Variants in ZNF275 observed in about 807,000 individuals in gnomAD.
ZNF275 encodes the protein zinc finger protein 275.
A neutral mutation model predicts 4.3 loss-of-function variants in ZNF275; 4 were observed. That is an observed-to-expected ratio of 0.93 (90% CI 0.46 to 2.13). ZNF275 has a LOEUF of 2.13. Among genes scored for constraint, ZNF275 ranks in the 30% most tolerant of loss-of-function variants. The pLI, the probability that ZNF275 is intolerant of heterozygous loss-of-function variation, is 0.02. For synonymous variants in ZNF275, 173 were observed against 166.9 expected (o/e 1.04, Z -0.28); for missense variants, 352 against 397.1 (o/e 0.89, Z 0.97).
rs2088537237 is a variant in ZNF275 at position 153,348,633 on chromosome X, C to T, written c.*658C>T. ...TGAGTCATCAGACAGTTTCAAGACA[C>T]ACCCAGTCACTTCCATCCGAGCTCT... On this transcript the variant is annotated 3_prime_UTR_variant, in exon 4 of 4. Coordinates refer to ENST00000650114, the MANE Select transcript of ZNF275 (RefSeq NM_001367757.1). The T allele has an allele frequency of 1.6e-5, 2 of 122,158 alleles. No individual in the cohort carries two copies. Among genetic ancestry groups the T allele is most frequent in the South Asian group, 7.8e-4 (2 of 2,571 alleles). 10.1% of individuals were successfully genotyped at this position (122,158 alleles called of 1,213,427 possible).
chrX:153,340,651 T>A (rs1215476422), intron 2 of ZNF275, among the ~76,000 whole-genome samples: 1 of 112,811 alleles, frequency 8.9e-6, no homozygotes, highest in Non-Finnish European at 1.9e-5. Flanking sequence ...AGCAGATCTT[T>A]CTAGACCTTG....
intron 3 of ZNF275, among the ~76,000 whole-genome samples, chrX:153,346,609 A>T (rs1556961587): frequency 8.9e-6 from 1 of 112,691 alleles, no homozygotes; most frequent in Admixed American, 9.3e-5. Flanking sequence ...TGGTCACAGA[A>T]GGGGTGACCT....
At chrX:153,339,854 T>C (rs1556960906) in intron 2 of ZNF275, among the ~76,000 whole-genome samples, 1 of 110,785 alleles carries the variant, frequency 9.0e-6, no homozygotes, top group East Asian at 2.8e-4. Context: ...GATAAGGAAT[T>C]GGGGGGCTGG....
chrX:153,337,259 T>C (rs12558151), intron 2 of ZNF275, among the ~76,000 whole-genome samples: 45,060 of 110,681 alleles, frequency 0.41, 7,334 homozygotes, highest in African/African-American at 0.61. Flanking sequence ...TTAGAGAATG[T>C]TGCTTGGCTA....
chrX:153,347,951 G>A lies in ZNF275; in HGVS notation c.1266G>A (p.Lys422=). The change falls in exon 4 of 4, where the codon AAG becomes AAA. Residue 422 remains lysine (K), a synonymous_variant. Transcript: ENST00000650114. ...RVFKRRSALQ[K]HQPTHHE is the part of the protein sequence containing the mutation. ...TCAAGAGGCGCTCGGCACTGCAGAA[G>A]CATCAGCCAACCCACCACGAGTAGA... 4 of 1,131,928 alleles carry A rather than the reference G, an allele frequency of 3.5e-6. No individual in the cohort carries two copies. In the South Asian group the frequency reaches 8.6e-5, roughly 24 times the overall value. The allele number at this position is 1,131,928 out of a possible 1,213,427, so 93.3% of individuals were successfully genotyped here.
intron 2 of ZNF275, among the ~76,000 whole-genome samples, chrX:153,342,025 TC>T (rs1275915089): frequency 1.8e-5 from 2 of 111,870 alleles, no homozygotes; most frequent in Admixed American, 9.5e-5. Flanking sequence ...TTTTCATCCC[TC>T]CCCCCACTTT....
Position 153,352,912 on chromosome X carries a change from A to T in ZNF275, c.*4937A>T, listed in dbSNP as rs1372663578. Reference sequence around the variant, plus strand: ...TTGCATCAAGTAGATTTCAATAAATATATGTTAAATGGCATTGGTCTTCCT... The same window carrying T: ...TTGCATCAAGTAGATTTCAATAAATTTATGTTAAATGGCATTGGTCTTCCT... On this transcript the variant is annotated 3_prime_UTR_variant, in exon 4 of 4. Coordinates refer to ENST00000650114, the MANE Select transcript of ZNF275 (RefSeq NM_001367757.1). 1 of 111,708 alleles carries T rather than the reference A, an allele frequency of 9.0e-6. No individual in the cohort carries two copies. The highest frequency in any genetic ancestry group is 2.8e-4 in the East Asian group (1 of 3,551). The allele number at this position is 111,708 out of a possible 1,213,427, so 9.2% of individuals were successfully genotyped here.
In ZNF275 at chrX:153,347,721, G is replaced by A; in HGVS notation, c.1036G>A (p.Glu346Lys). The A allele has an allele frequency of 1.7e-6, 2 of 1,209,437 alleles. No homozygotes were observed. Among genetic ancestry groups the A allele is most frequent in the Non-Finnish European group, 2.2e-6 (2 of 894,288 alleles). ...GGAGCACGCACGCATCCACAGTGGC[G>A]AGCGGCCCTACGCATGCGGCGAGTG... ...LLEHARIHSGERPYACGECGK... is the reference protein window; with the variant it reads ...LLEHARIHSGKRPYACGECGK... Residue 346 changes from glutamate (E) to lysine (K), a missense_variant, in exon 4 of 4, where the codon GAG becomes AAG. Physicochemically the swap from Glu to Lys is moderately conservative, Grantham distance 56. Transcript: ENST00000650114.
intron 2 of ZNF275, among the ~76,000 whole-genome samples, chrX:153,340,328 A>G (rs1556960956): frequency 8.9e-6 from 1 of 112,231 alleles, no homozygotes; most frequent in Non-Finnish European, 1.9e-5. Flanking sequence ...GAGCCCAGGA[A>G]GTCACAACCC....
intron 2 of ZNF275, chrX:153,343,581 G>A: frequency 3.5e-6 from 1 of 283,939 alleles, no homozygotes; most frequent in East Asian, 1.0e-4. Context: ...TTAGAGAACT[G>A]CTGTCATGTG....
chrX:153,352,579 T>TACTTTGAA lies in ZNF275; in HGVS notation c.*4606_*4613dup, dbSNP rs1314377255. The TACTTTGAA allele has an allele frequency of 2.7e-5, 3 of 112,606 alleles. No homozygotes were observed. Among genetic ancestry groups the TACTTTGAA allele is most frequent in the Admixed American group, 9.4e-5 (1 of 10,693 alleles). 9.3% of individuals were successfully genotyped at this position (112,606 alleles called of 1,213,427 possible). On this transcript the variant is annotated 3_prime_UTR_variant, in exon 4 of 4. Transcript: ENST00000650114. ...TTCTCATTGCATCACTTTGGATGTT[T>TACTTTGAA]ACTTTGAAAAGCAGAAACTGTCTCT...
chrX:153,338,634 A>C (rs1602822772), intron 2 of ZNF275, among the ~76,000 whole-genome samples: 1 of 107,190 alleles, frequency 9.3e-6, no homozygotes, highest in Non-Finnish European at 1.9e-5. Flanking sequence ...GGATTCACTC[A>C]ATTAAATGTG....
Position 153,347,084 on chromosome X carries a change from C to T in ZNF275, c.399C>T (p.Asp133=). ...HSEEKGWECG[D]CGKVFRGVAE... Reference sequence around the variant, plus strand: ...AGGAGAAGGGCTGGGAATGTGGCGACTGCGGGAAGGTCTTTAGGGGGGTGG... The same window carrying T: ...AGGAGAAGGGCTGGGAATGTGGCGATTGCGGGAAGGTCTTTAGGGGGGTGG... The change falls in exon 4 of 4, where the codon GAC becomes GAT. Residue 133 remains aspartate (D), a synonymous_variant. Transcript: ENST00000650114. The T allele has an allele frequency of 1.7e-6, 2 of 1,211,533 alleles. No homozygotes were observed. The highest frequency in any genetic ancestry group is 2.2e-6 in the Non-Finnish European group (2 of 895,401).
intron 2 of ZNF275, among the ~76,000 whole-genome samples, chrX:153,342,544 C>A (rs145962528): frequency 1.9e-4 from 21 of 111,478 alleles, no homozygotes; most frequent in African/African-American, 6.9e-4. Flanking sequence ...AGTATGATCC[C>A]TTTGAGGCCT....
At chrX:153,340,770 A>G (rs2088476047) in intron 2 of ZNF275, among the ~76,000 whole-genome samples, 1 of 112,120 alleles carries the variant, frequency 8.9e-6, no homozygotes, top group Non-Finnish European at 1.9e-5. Flanking sequence ...ATGCAAATAT[A>G]TACTTAGCCA....
Position 153,348,470 on chromosome X carries a change from TATAC to T in ZNF275, c.*504_*507del, listed in dbSNP as rs1269628447. 8.1e-6 allele frequency: 1 copy of T among 123,283 alleles called. No individual in the cohort carries two copies. The highest frequency in any genetic ancestry group is 1.9e-5 in the Non-Finnish European group (1 of 53,329). The allele number at this position is 123,283 out of a possible 1,213,427, so 10.2% of individuals were successfully genotyped here. ...AAAATATTTAATTTATTAATTTAGT[TATAC>T]ATACATACTGTAAATCACATATTAT... On this transcript the variant is annotated 3_prime_UTR_variant, in exon 4 of 4. Coordinates refer to ENST00000650114, the MANE Select transcript of ZNF275 (RefSeq NM_001367757.1).
chrX:153,347,697 G>C lies in ZNF275; in HGVS notation c.1012G>C (p.Glu338Gln). Residue 338 changes from glutamate (E) to glutamine (Q), a missense_variant, in exon 4 of 4, where the codon GAG (glutamate) becomes CAG (glutamine). Glu to Gln is a conservative substitution (Grantham distance 29). Transcript: ENST00000650114. ...KAFRQSSSLLEHARIHSGERP... is the reference protein window; with the variant it reads ...KAFRQSSSLLQHARIHSGERP... ...CTTCCGCCAGAGCTCCAGCCTCCTGGAGCACGCACGCATCCACAGTGGCGA... is the reference window on the plus strand; with the variant it reads ...CTTCCGCCAGAGCTCCAGCCTCCTGCAGCACGCACGCATCCACAGTGGCGA... 8.3e-7 allele frequency: 1 copy of C among 1,208,904 alleles called. No individual in the cohort carries two copies. The highest frequency in any genetic ancestry group is 1.1e-6 in the Non-Finnish European group (1 of 894,248).
intron 2 of ZNF275, chrX:153,344,483 A>G (rs2088499000): frequency 3.3e-6 from 1 of 300,984 alleles, no homozygotes; most frequent in African/African-American, 2.8e-5. Flanking sequence ...GGCCAGGTCC[A>G]TGGCCCAGGG....
At position 153,347,082 on chromosome X, in the gene ZNF275, G is replaced by C; in HGVS notation, c.397G>C (p.Asp133His). 1 of 1,211,493 alleles carries C rather than the reference G, an allele frequency of 8.3e-7. No homozygotes were observed. The highest frequency in any genetic ancestry group is 1.1e-6 in the Non-Finnish European group (1 of 895,413). The change falls in exon 4 of 4, where the codon GAC (aspartate) becomes CAC (histidine). Residue 133 changes from aspartate (D) to histidine (H), a missense_variant. Asp to His is a moderately conservative substitution (Grantham distance 81). Coordinates refer to ENST00000650114, the MANE Select transcript of ZNF275 (RefSeq NM_001367757.1). ...TGAGGAGAAGGGCTGGGAATGTGGC[G>C]ACTGCGGGAAGGTCTTTAGGGGGGT... is the stretch of plus-strand genomic sequence containing the variant. ...HSEEKGWECG[D>H]CGKVFRGVAE...
Sources: gnomAD v4.1 joint callset for allele counts (sites outside exome capture counted in the v4.1 genomes callset) on GRCh38, gnomAD v4.1.1 for gene constraint, MANE v1.5 for transcripts, NCBI Gene and HGNC (gene_info 2026-07-23, HGNC 2026-07-21) for gene names.